The following MYO5B variants were observed in gnomAD, a reference collection of about 807,000 sequenced individuals.
The protein encoded by MYO5B is myosin VB.
MYO5B carries 143 observed loss-of-function variants against 229.3 expected under a neutral mutation model. The ratio of observed to expected loss-of-function variants is 0.62; its 90% CI spans 0.54 to 0.72. The LOEUF (loss-of-function observed/expected upper bound fraction) is 0.72, where lower values mean the gene tolerates loss of function less well. MYO5B is among the 30% of genes least tolerant of loss of function. The pLI, the probability that MYO5B is intolerant of heterozygous loss-of-function variation, is 0.00. For synonymous variants in MYO5B, 918 were observed against 885.2 expected, an observed-to-expected ratio of 1.04 and a Z score of -0.66; for missense variants, 2,321 against 2,331.0, an observed-to-expected ratio of 1.00 and a Z score of 0.09.
At chr18:50,162,889 C>G (rs2032790459) in intron 1 of MYO5B, among the ~76,000 whole-genome samples, 1 of 152,234 alleles carries the variant, frequency 6.6e-6, no homozygotes, top group African/African-American at 2.4e-5. Flanking sequence ...AGCCCTGTCA[C>G]AGCGGCATCT....
chr18:49,947,049 T>C (rs894226489), intron 14 of MYO5B, among the ~76,000 whole-genome samples: 4 of 150,988 alleles, frequency 2.6e-5, no homozygotes, highest in African/African-American at 9.7e-5. Context: ...ACCTGAGAAG[T>C]GTCCCAACTA....
intron 29 of MYO5B, among the ~76,000 whole-genome samples, 194 bp downstream of exon 29, chr18:49,863,033 G>C (rs1045557896): frequency 6.6e-6 from 1 of 152,138 alleles, no homozygotes; most frequent in African/African-American, 2.4e-5. Context: ...TCTAGATGCT[G>C]AGAGCGTGTT....
intron 1 of MYO5B, among the ~76,000 whole-genome samples, chr18:50,162,722 G>C (rs147720020): frequency 9.8e-5 from 15 of 152,360 alleles, no homozygotes; most frequent in African/African-American, 3.6e-4. Flanking sequence ...TGTTTACACA[G>C]AATCCACTGC....
chr18:50,189,863 A>C (rs1364750417), intron 1 of MYO5B, among the ~76,000 whole-genome samples: 1 of 152,204 alleles, frequency 6.6e-6, no homozygotes, highest in African/African-American at 2.4e-5. Context: ...ACACCTGCCC[A>C]AAAGCACAGA....
At position 50,112,116 on chromosome 18, in the gene MYO5B, T is replaced by C. The variant is rs550392918; in HGVS notation, c.28-56738A>G. ...AGGAAGAGAGCTATATTAGATCGAG[T>C]AGTCAAAGAAAGCCTCTCTAAGGAA... On this transcript the variant is annotated intron_variant, in intron 1 of 39. Coordinates refer to ENST00000285039, the MANE Select transcript of MYO5B (RefSeq NM_001080467.3). Among the ~76,000 whole-genome samples the C allele has an allele frequency of 1.3e-4, 20 of 152,002 alleles. No homozygotes were observed. In the Middle Eastern group the frequency reaches 0.01, roughly 78 times the overall value.
At chr18:50,031,529 C>T (rs2026389829) in intron 4 of MYO5B, among the ~76,000 whole-genome samples, 1 of 152,110 alleles carries the variant, frequency 6.6e-6, no homozygotes, top group African/African-American at 2.4e-5. Context: ...GCATGGAAGA[C>T]AAAAGAAATA....
chr18:50,071,914 G>A (rs2144449455), intron 1 of MYO5B, among the ~76,000 whole-genome samples: 1 of 152,370 alleles, frequency 6.6e-6, no homozygotes, highest in South Asian at 2.1e-4. Context: ...CCCCATTTCT[G>A]TTAACAGGAG....
At chr18:49,993,481 A>C (rs2144314501) in intron 5 of MYO5B, among the ~76,000 whole-genome samples, 1 of 152,212 alleles carries the variant, frequency 6.6e-6, no homozygotes, top group African/African-American at 2.4e-5. Flanking sequence ...CATGCCATTG[A>C]GTTGTTACTG....
chr18:49,933,214 C>A (rs900787862), intron 16 of MYO5B, among the ~76,000 whole-genome samples: 1 of 152,200 alleles, frequency 6.6e-6, no homozygotes, highest in Admixed American at 6.5e-5. Context: ...CTGGGCTGGC[C>A]TTCGGAAAAC....
Position 49,830,189 on chromosome 18 carries a change from T to A in MYO5B, c.5395-3566A>T, listed in dbSNP as rs541755473. 2.7e-5 allele frequency among the ~76,000 whole-genome samples: 4 copies of A among 149,646 alleles called. 1 individual carries two copies. The East Asian group carries it at 7.8e-4, about 29-fold the overall frequency. On this transcript the variant is annotated intron_variant, in intron 39 of 39. Transcript: ENST00000285039. ...CACACACAAATATTGCTAGAGCTAA[T>A]GAATTCAGCGAAGTACATAATAAAA... is the stretch of plus-strand genomic sequence containing the variant.
chr18:49,864,178 A>C lies in MYO5B; in HGVS notation c.3806T>G (p.Val1269Gly). 6.2e-7 allele frequency: 1 copy of C among 1,612,252 alleles called. No homozygotes were observed. Residue 1269 changes from valine (V) to glycine (G), a missense_variant, in exon 28 of 40, where the codon GTG (valine) becomes GGG (glycine). This residue lies in a region of MYO5B where 2,113 missense variants were observed against 2,044.7 expected (regional missense o/e 1.03). Transcript: ENST00000285039. The stretch of plus-strand genomic sequence containing the variant: ...GGCGAGTCGCCGCTGGTCGGCGCTC[A>C]CGATCTGGGTCCTGAGGATGAGCAC... ...EEVLILRTQIVSADQRRLAGR... is the reference protein window; with the variant it reads ...EEVLILRTQIGSADQRRLAGR...
At chr18:49,830,145 C>CA (rs2023896588) in intron 39 of MYO5B, among the ~76,000 whole-genome samples, 2 of 149,904 alleles carry the variant, frequency 1.3e-5, no homozygotes, top group African/African-American at 4.9e-5. Context: ...CTGAAAGAAT[C>CA]CACACACACA....
chr18:50,139,461 G>T (rs1289276364), intron 1 of MYO5B, among the ~76,000 whole-genome samples: 1 of 152,206 alleles, frequency 6.6e-6, no homozygotes, highest in Admixed American at 6.5e-5. Flanking sequence ...CCTTACAAGA[G>T]TCTTGGCTTT....
At chr18:49,836,645 C>A in intron 38 of MYO5B, 66 bp downstream of exon 38, 2 of 1,582,178 alleles carry the variant, frequency 1.3e-6, no homozygotes, top group Non-Finnish European at 1.7e-6. Flanking sequence ...CCAACGAGAA[C>A]AGACTTGGAA....
At chr18:50,163,129 C>T (rs1185837140) in intron 1 of MYO5B, among the ~76,000 whole-genome samples, 1 of 152,226 alleles carries the variant, frequency 6.6e-6, no homozygotes, top group Non-Finnish European at 1.5e-5. Context: ...TTCCAAGACA[C>T]AAGATGATTC....
intron 12 of MYO5B, among the ~76,000 whole-genome samples, chr18:49,961,479 C>T (rs1168744252): frequency 1.3e-5 from 2 of 152,262 alleles, no homozygotes; most frequent in Admixed American, 6.5e-5. Flanking sequence ...TCAAGCCACA[C>T]TTAAGCCTTT....
chr18:50,147,734 A>G (rs2032528081), intron 1 of MYO5B, among the ~76,000 whole-genome samples: 1 of 152,154 alleles, frequency 6.6e-6, no homozygotes, highest in African/African-American at 2.4e-5. Context: ...TCTTTTGTAT[A>G]AAGGCCCTAC....
chr18:50,159,600 T>C (rs2032733164), intron 1 of MYO5B, among the ~76,000 whole-genome samples: 1 of 152,100 alleles, frequency 6.6e-6, no homozygotes, highest in Non-Finnish European at 1.5e-5. Context: ...GCCCACATCA[T>C]GTCAAATCCC....
intron 1 of MYO5B, among the ~76,000 whole-genome samples, chr18:50,177,613 T>C (rs2033015543): frequency 6.6e-6 from 1 of 152,236 alleles, no homozygotes; most frequent in Admixed American, 6.5e-5. Flanking sequence ...GGAGCAGTTT[T>C]CCAGGTGAAC....
Sources: gnomAD v4.1 joint callset for allele counts (sites outside exome capture counted in the v4.1 genomes callset) on GRCh38, gnomAD v4.1.1 for gene constraint, gnomAD v4.1.1 regional missense constraint, MANE v1.5 for transcripts, NCBI Gene and HGNC (gene_info 2026-07-23, HGNC 2026-07-21) for gene names.